The following ZFPM2 variants were observed in gnomAD, a reference collection of about 807,000 sequenced individuals.
ZFPM2 encodes zinc finger protein ZFPM2.
A neutral mutation model predicts 98.6 loss-of-function variants in ZFPM2; 20 were observed. That is an observed-to-expected ratio of 0.20 (90% CI 0.14 to 0.29). The LOEUF (loss-of-function observed/expected upper bound fraction) is 0.29, where lower values mean the gene tolerates loss of function less well. Ranked by LOEUF, ZFPM2 falls within the 10% of genes least tolerant of loss-of-function variation. The pLI, the probability that ZFPM2 is intolerant of heterozygous loss-of-function variation, is 1.00. For synonymous variants in ZFPM2, 518 were observed against 502.7 expected, an observed-to-expected ratio of 1.03 and a Z score of -0.41; for missense variants, 1,310 against 1,388.6, an observed-to-expected ratio of 0.94 and a Z score of 0.90.
intron 4 of ZFPM2, among the ~76,000 whole-genome samples, chr8:105,580,979 C>A (rs2343596): frequency 0.46 from 70,225 of 151,534 alleles, 19,991 homozygotes; most frequent in African/African-American, 0.81. Flanking sequence ...TTATAAAAGA[C>A]GAGTGAGTAG....
intron 5 of ZFPM2, among the ~76,000 whole-genome samples, chr8:105,670,990 A>G (rs1563514535): frequency 6.6e-6 from 1 of 152,202 alleles, no homozygotes; most frequent in Non-Finnish European, 1.5e-5. Context: ...TTGCTTGGCC[A>G]TACTTCAATA....
intron 3 of ZFPM2, among the ~76,000 whole-genome samples, chr8:105,543,221 C>T (rs1289150955): frequency 6.6e-6 from 1 of 152,222 alleles, no homozygotes; most frequent in Non-Finnish European, 1.5e-5. Flanking sequence ...CGTGGTAGCT[C>T]ACTCCTGTAA....
intron 1 of ZFPM2, among the ~76,000 whole-genome samples, chr8:105,361,184 T>A (rs577979459): frequency 1.1e-3 from 106 of 96,220 alleles, no homozygotes; most frequent in African/African-American, 3.6e-3. Context: ...GGTGAGATGG[T>A]ATCTCATTGT....
intron 3 of ZFPM2, among the ~76,000 whole-genome samples, chr8:105,560,542 A>G (rs1815110473): frequency 1.3e-5 from 2 of 149,530 alleles, no homozygotes; most frequent in South Asian, 4.2e-4. Context: ...TTTTTTTTCT[A>G]CCTATCCCAA....
rs552107812 is a variant in ZFPM2 at position 105,611,612 on chromosome 8, A to G, written c.421-22634A>G. 1.4e-4 allele frequency among the ~76,000 whole-genome samples: 22 copies of G among 152,272 alleles called. No homozygotes were observed. The South Asian group carries it at 4.4e-3, about 30-fold the overall frequency. ...GAACAGAGATGGGAGAAGGCTGAAG[A>G]GTACAAAACACATTAAAAATTTACC... On this transcript the variant is annotated intron_variant, in intron 4 of 7. Transcript: ENST00000407775.
chr8:105,648,547 T>C (rs1359381330), intron 5 of ZFPM2, among the ~76,000 whole-genome samples: 1 of 152,192 alleles, frequency 6.6e-6, no homozygotes, highest in African/African-American at 2.4e-5. Flanking sequence ...CTTGAATTAA[T>C]TTTTATGTAA....
chr8:105,442,372 A>T (rs995634132), intron 2 of ZFPM2, among the ~76,000 whole-genome samples: 2 of 152,056 alleles, frequency 1.3e-5, no homozygotes, highest in African/African-American at 4.8e-5. Flanking sequence ...AAACAAAAAA[A>T]CAACAAAAAA....
At chr8:105,660,510 G>C (rs1817367324) in intron 5 of ZFPM2, among the ~76,000 whole-genome samples, 1 of 152,174 alleles carries the variant, frequency 6.6e-6, no homozygotes. Context: ...TATCATACAT[G>C]TGTAAAAAAA....
chr8:105,700,798 G>C lies in ZFPM2; in HGVS notation c.532+66441G>C, dbSNP rs1768341957. On this transcript the variant is annotated intron_variant, in intron 5 of 7. Transcript: ENST00000407775. ...TTTACTAGAGACTGGGTTTCACCAT[G>C]TTGGCCAGGCTGATCTCAAACTCCT... is the stretch of plus-strand genomic sequence containing the variant. Among the ~76,000 whole-genome samples, 3 of 152,234 alleles carry C rather than the reference G, an allele frequency of 2.0e-5. No individual in the cohort carries two copies. The South Asian group carries it at 6.2e-4, about 32-fold the overall frequency.
chr8:105,645,568 C>T (rs1002085010), intron 5 of ZFPM2, among the ~76,000 whole-genome samples: 4 of 152,070 alleles, frequency 2.6e-5, no homozygotes, highest in East Asian at 1.9e-4. Flanking sequence ...TGACAAGGCT[C>T]ATAAATTTGG....
chr8:105,539,798 T>C (rs532178205), intron 3 of ZFPM2, among the ~76,000 whole-genome samples: 8 of 152,332 alleles, frequency 5.3e-5, no homozygotes, highest in African/African-American at 1.9e-4. Context: ...GTTTCACAAA[T>C]GTTAAATCCT....
At chr8:105,611,693 A>G (rs890412258) in intron 4 of ZFPM2, among the ~76,000 whole-genome samples, 2 of 150,480 alleles carry the variant, frequency 1.3e-5, no homozygotes, top group South Asian at 2.1e-4. Flanking sequence ...CAAATTAACA[A>G]AAAAAAATTT....
At chr8:105,421,331 A>G (rs1351646552) in intron 2 of ZFPM2, among the ~76,000 whole-genome samples, 7 of 152,154 alleles carry the variant, frequency 4.6e-5, no homozygotes, top group African/African-American at 1.7e-4. Flanking sequence ...ATATTAAATA[A>G]TATGTAACAT....
intron 5 of ZFPM2, among the ~76,000 whole-genome samples, chr8:105,643,100 A>G (rs1045156883): frequency 6.6e-6 from 1 of 152,166 alleles, no homozygotes; most frequent in African/African-American, 2.4e-5. Context: ...TTGAGGGTAC[A>G]CGTGATGAAA....
chr8:105,722,563 A>G (rs1044554508), intron 5 of ZFPM2, among the ~76,000 whole-genome samples: 2 of 151,946 alleles, frequency 1.3e-5, no homozygotes, highest in Non-Finnish European at 2.9e-5. Context: ...TTATTATACT[A>G]TATTCTTACA....
chr8:105,707,592 A>C (rs1357728926), intron 5 of ZFPM2, among the ~76,000 whole-genome samples: 3 of 152,172 alleles, frequency 2.0e-5, no homozygotes, highest in Non-Finnish European at 2.9e-5. Context: ...ATGGCCTTGT[A>C]CTGTTGCTAT....
chr8:105,671,674 T>G (rs1817598784), intron 5 of ZFPM2, among the ~76,000 whole-genome samples: 1 of 152,110 alleles, frequency 6.6e-6, no homozygotes, highest in East Asian at 1.9e-4. Context: ...TTTTAACATT[T>G]TTATTTTTAA....
intron 5 of ZFPM2, among the ~76,000 whole-genome samples, chr8:105,644,160 T>C (rs910745244): frequency 6.6e-6 from 1 of 152,200 alleles, no homozygotes; most frequent in African/African-American, 2.4e-5. Flanking sequence ...TCCATTGCTC[T>C]TTAGCTACTT....
At chr8:105,743,838 A>G (rs1812280921) in intron 5 of ZFPM2, among the ~76,000 whole-genome samples, 1 of 152,092 alleles carries the variant, frequency 6.6e-6, no homozygotes, top group Non-Finnish European at 1.5e-5. Flanking sequence ...GCACTCTACA[A>G]GAATGCATTT....
Sources: gnomAD v4.1 joint callset for allele counts (sites outside exome capture counted in the v4.1 genomes callset) on GRCh38, gnomAD v4.1.1 for gene constraint, MANE v1.5 for transcripts, NCBI Gene and HGNC (gene_info 2026-07-23, HGNC 2026-07-21) for gene names.